The following LIG3 variants were observed in gnomAD, a reference collection of about 807,000 sequenced individuals.
LIG3 encodes the protein ligase II, DNA, ATP-dependent.
LIG3 carries 58 observed loss-of-function variants against 110.9 expected under a neutral mutation model. That is an observed-to-expected ratio of 0.52 (90% CI 0.42 to 0.65). The LOEUF (loss-of-function observed/expected upper bound fraction) is 0.65, where lower values mean the gene tolerates loss of function less well. LIG3 is among the 30% of genes least tolerant of loss of function. The pLI, the probability that LIG3 is intolerant of heterozygous loss-of-function variation, is 0.00. For synonymous variants in LIG3, 422 were observed against 472.8 expected (o/e 0.89, Z 1.39); for missense variants, 1,094 against 1,273.8 (o/e 0.86, Z 2.15).
In LIG3 at chr17:34,983,176, A is replaced by G. The variant is rs536416767; in HGVS notation, c.171A>G (p.Leu57=). ...HPLFLRRKPV[L]SFQGSHLRSR... The stretch of plus-strand genomic sequence containing the variant: ...TCTTCCTGAGAAGAAAGCCTGTTCT[A>G]TCATTCCAGGGAAGCCATCTAAGAT... Residue 57 remains leucine, a synonymous_variant, in exon 2 of 20, where the codon CTA becomes CTG. Coordinates refer to ENST00000378526, the MANE Select transcript of LIG3 (RefSeq NM_013975.4). The G allele has an allele frequency of 8.1e-6, 13 of 1,614,206 alleles. No individual in the cohort carries two copies. The highest frequency in any genetic ancestry group is 2.2e-5 in the South Asian group (2 of 91,088).
chr17:34,989,901 C>T, intron 4 of LIG3: 3 of 524,722 alleles, frequency 5.7e-6, no homozygotes, highest in Non-Finnish European at 1.0e-5. Context: ...ATCTGTCTTC[C>T]TCTCCCCTTA....
chr17:34,985,755 A>C (rs1024383221), intron 2 of LIG3, among the ~76,000 whole-genome samples: 1 of 152,210 alleles, frequency 6.6e-6, no homozygotes, highest in African/African-American at 2.4e-5. Flanking sequence ...GTACTAATAG[A>C]GATAAATGGT....
intron 19 of LIG3, chr17:35,003,261 C>G: frequency 8.9e-7 from 1 of 1,119,328 alleles, no homozygotes; most frequent in Non-Finnish European, 1.2e-6. Flanking sequence ...TTCCCTGTTA[C>G]ATTTTCTTGT....
intron 18 of LIG3, 43 bp from the exon 19 acceptor site, chr17:35,002,625 A>AT (rs1234665946): frequency 5.7e-6 from 9 of 1,592,656 alleles, no homozygotes; most frequent in Non-Finnish European, 7.7e-6. Context: ...AGCTGGGACT[A>AT]TAGGTGTGCA....
Position 34,986,101 on chromosome 17 carries a change from A to C in LIG3, c.661A>C (p.Thr221Pro). ...GAAAGGCGCCTCATTTGTCACCAGT[A>C]CCAATCCCCGGAAATTTTCTGGCTT... ...PVKGASFVTS[T>P]NPRKFSGFSA... Residue 221 changes from threonine to proline, a missense_variant, in exon 3 of 20, where the codon ACC becomes CCC. By Grantham distance (38) the Thr-to-Pro change is conservative (BLOSUM62 -1). Coordinates refer to ENST00000378526, the MANE Select transcript of LIG3 (RefSeq NM_013975.4). 1 of 1,614,182 alleles carries C rather than the reference A, an allele frequency of 6.2e-7. No homozygotes were observed. The highest frequency in any genetic ancestry group is 8.5e-7 in the Non-Finnish European group (1 of 1,180,026).
rs12948362 is a variant in LIG3, at chr17:35,005,610, G to A, written c.*1104G>A. 0.4 allele frequency: 229,945 copies of A among 574,914 alleles called. 50,205 individuals are homozygous for A. The highest frequency in any genetic ancestry group is 0.45 in the Non-Finnish European group (128,775 of 285,566). 35.6% of individuals were successfully genotyped at this position (574,914 alleles called of 1,614,324 possible). A position where few individuals can be genotyped will look rare whatever the true frequency, so the allele number is the denominator to read the frequency against. On this transcript the variant is annotated 3_prime_UTR_variant, in exon 20 of 20. Coordinates refer to ENST00000378526, the MANE Select transcript of LIG3 (RefSeq NM_013975.4). Reference sequence around the variant, plus strand: ...TAGGTTTCATAATGCTGGACCAGTCGAATGCACCAAATATCCCAAAACTCA... The same window carrying A: ...TAGGTTTCATAATGCTGGACCAGTCAAATGCACCAAATATCCCAAAACTCA...
At chr17:34,987,993 G>C (rs1392066664) in intron 3 of LIG3, among the ~76,000 whole-genome samples, 3 of 151,762 alleles carry the variant, frequency 2.0e-5, no homozygotes, top group African/African-American at 7.3e-5. Context: ...AGGAGATCGA[G>C]ACCATCCTGG....
At chr17:35,003,964 C>CA in intron 19 of LIG3, 1 of 338,678 alleles carries the variant, frequency 3.0e-6, no homozygotes, top group South Asian at 3.2e-5. Context: ...GGCACTGAGT[C>CA]AGAGCCAGCT....
In LIG3 at chr17:35,005,166, T is replaced by C; in HGVS notation, c.*660T>C. ...GCCTTTATGAAGAAAGGGGAGGTTA[T>C]TTGGGCCACTCCTCTGGAGGGATAG... On this transcript the variant is annotated 3_prime_UTR_variant, in exon 20 of 20. Coordinates refer to ENST00000378526, the MANE Select transcript of LIG3 (RefSeq NM_013975.4). The C allele has an allele frequency of 2.7e-6, 1 of 369,724 alleles. No individual in the cohort carries two copies. The highest frequency in any genetic ancestry group is 5.3e-6 in the Non-Finnish European group (1 of 187,872). The allele number at this position is 369,724 out of a possible 1,614,324, so 22.9% of individuals were successfully genotyped here. A position where few individuals can be genotyped will look rare whatever the true frequency, so the allele number is the denominator to read the frequency against.
intron 19 of LIG3, 65 bp from the exon 20 acceptor site, chr17:35,004,208 T>C (rs576097385): frequency 1.6e-4 from 200 of 1,217,062 alleles, no homozygotes; most frequent in Admixed American, 3.1e-4. Context: ...CCGTGCTCAT[T>C]TGGGTGAAGA....
Position 34,983,098 on chromosome 17 carries a change from T to G in LIG3, c.93T>G (p.Asp31Glu). 1.2e-6 allele frequency: 2 copies of G among 1,614,176 alleles called. No individual in the cohort carries two copies. The highest frequency in any genetic ancestry group is 1.7e-6 in the Non-Finnish European group (2 of 1,180,028). Residue 31 changes from aspartate (D) to glutamate (E), a missense_variant, in exon 2 of 20, where the codon GAT becomes GAG. Physicochemically the swap from Asp to Glu is conservative, Grantham distance 45. Coordinates refer to ENST00000378526, the MANE Select transcript of LIG3 (RefSeq NM_013975.4). Reference protein sequence around the residue: ...LCLFRKHHWRDVRQFSQWSET... With the variant: ...LCLFRKHHWREVRQFSQWSET... Reference sequence around the variant, plus strand: ...TATTCCGAAAACATCACTGGCGTGATGTAAGACAATTCAGCCAGTGGTCAG... The same window carrying G: ...TATTCCGAAAACATCACTGGCGTGAGGTAAGACAATTCAGCCAGTGGTCAG...
rs1422557783 is a variant in LIG3 at position 34,997,793 on chromosome 17, C to T, written c.1879C>T (p.Arg627Trp). The change falls in exon 12 of 20, where the codon CGG (arginine) becomes TGG (tryptophan). Residue 627 changes from arginine (R) to tryptophan (W), a missense_variant. Physicochemically the swap from Arg to Trp is moderately radical, Grantham distance 101. Coordinates refer to ENST00000378526, the MANE Select transcript of LIG3 (RefSeq NM_013975.4). ...TGACAACATGGTTGAAATTCCAAAC[C>T]GGATCATGTTCTCAGAAATGAAGCG... ...LHDNMVEIPN[R>W]IMFSEMKRVT... The T allele has an allele frequency of 6.8e-6, 11 of 1,613,958 alleles. No homozygotes were observed. The highest frequency in any genetic ancestry group is 2.7e-5 in the African/African-American group (2 of 74,892).
chr17:34,998,830 A>G, intron 14 of LIG3, 103 bp downstream of exon 14: 3 of 1,412,224 alleles, frequency 2.1e-6, no homozygotes, highest in South Asian at 1.4e-5. Context: ...ATGGCCAGTT[A>G]TGACTTCCGA....
At chr17:34,998,158 C>A in intron 12 of LIG3, 61 bp from the exon 13 acceptor site, 1 of 1,282,256 alleles carries the variant, frequency 7.8e-7, no homozygotes, top group South Asian at 1.3e-5. Context: ...AGGAACAACC[C>A]CCACTCACTC....
At position 34,983,476 on chromosome 17, in the gene LIG3, C is replaced by T; in HGVS notation, c.471C>T (p.Ile157=). The part of the protein sequence containing the change: ...LERARATTKK[I]EDLTELEGWE... Reference sequence around the variant, plus strand: ...GGGCCCGGGCCACCACAAAAAAAATCGAGGACCTCACAGAGCTGGAAGGCT... The same window carrying T: ...GGGCCCGGGCCACCACAAAAAAAATTGAGGACCTCACAGAGCTGGAAGGCT... The change falls in exon 2 of 20, where the codon ATC becomes ATT. Residue 157 remains isoleucine (I), a synonymous_variant. Transcript: ENST00000378526. 4.3e-6 allele frequency: 7 copies of T among 1,614,020 alleles called. No individual in the cohort carries two copies. Among genetic ancestry groups the T allele is most frequent in the Non-Finnish European group, 5.9e-6 (7 of 1,180,010 alleles).
chr17:35,003,826 T>TC, intron 19 of LIG3: 1 of 166,464 alleles, frequency 6.0e-6, no homozygotes, highest in Non-Finnish European at 1.3e-5. Flanking sequence ...TAGAAACCTT[T>TC]CCCCTCTCTC....
rs1304328844 is a variant in LIG3, at chr17:34,980,596, C to T, written c.-31C>T. On this transcript the variant is annotated 5_prime_UTR_variant, in exon 1 of 20. It adds an upstream start codon to the 5' untranslated region. Coordinates refer to ENST00000378526, the MANE Select transcript of LIG3 (RefSeq NM_013975.4). ...TGTAATGAGCAAGTTCCGAGGCCTA[C>T]GGTGAGCGCCGGAGCCGGAGAGGCA... 3.1e-6 allele frequency: 4 copies of T among 1,285,176 alleles called. No homozygotes were observed. Among genetic ancestry groups the T allele is most frequent in the Non-Finnish European group, 3.0e-6 (3 of 986,628 alleles). The allele number at this position is 1,285,176 out of a possible 1,614,324, so 79.6% of individuals were successfully genotyped here. A position where few individuals can be genotyped will look rare whatever the true frequency, so the allele number is the denominator to read the frequency against.
At position 34,997,784 on chromosome 17, in the gene LIG3, A is replaced by G. The variant is rs763391533; in HGVS notation, c.1870A>G (p.Ile624Val). 6.8e-6 allele frequency: 11 copies of G among 1,614,056 alleles called. No homozygotes were observed. The East Asian group carries it at 1.1e-4, about 16-fold the overall frequency. Reference sequence around the variant, plus strand: ...GTTTCTTCATGACAACATGGTTGAAATTCCAAACCGGATCATGTTCTCAGA... The same window carrying G: ...GTTTCTTCATGACAACATGGTTGAAGTTCCAAACCGGATCATGTTCTCAGA... ...RKFLHDNMVEIPNRIMFSEMK... is the reference protein window; with the variant it reads ...RKFLHDNMVEVPNRIMFSEMK... The change falls in exon 12 of 20, where the codon ATT (isoleucine) becomes GTT (valine). Residue 624 changes from isoleucine to valine, a missense_variant. Physicochemically the swap from Ile to Val is conservative, Grantham distance 29. Coordinates refer to ENST00000378526, the MANE Select transcript of LIG3 (RefSeq NM_013975.4).
In LIG3 at chr17:34,998,901, G is replaced by A. The variant is rs942839537; in HGVS notation, c.2113+174G>A. 1.0e-5 allele frequency: 7 copies of A among 684,660 alleles called. No individual in the cohort carries two copies. The African/African-American group carries it at 1.1e-4, about 11-fold the overall frequency. The allele number at this position is 684,660 out of a possible 1,614,324, so 42.4% of individuals were successfully genotyped here. A position where few individuals can be genotyped will look rare whatever the true frequency, so the allele number is the denominator to read the frequency against. On this transcript the variant is annotated intron_variant, in intron 14 of 19. Coordinates refer to ENST00000378526, the MANE Select transcript of LIG3 (RefSeq NM_013975.4). ...CACCTCAGGCAGAGCTGCTTACTCG[G>A]TTAGGGAGAAGTCAGAATAGAGTAC... is the stretch of plus-strand genomic sequence containing the variant.
Sources: gnomAD v4.1 joint callset for allele counts (sites outside exome capture counted in the v4.1 genomes callset) on GRCh38, gnomAD v4.1.1 for gene constraint, MANE v1.5 for transcripts, NCBI Gene and HGNC (gene_info 2026-07-23, HGNC 2026-07-21) for gene names.